PTPRS: variants seen among roughly 807,000 people sequenced by gnomAD.
PTPRS encodes the protein receptor-type tyrosine-protein phosphatase S.
A neutral mutation model predicts 215.3 loss-of-function variants in PTPRS; 63 were observed. The ratio of observed to expected loss-of-function variants is 0.29; its 90% CI spans 0.24 to 0.36. PTPRS has a LOEUF of 0.36. PTPRS is among the 10% of genes least tolerant of loss of function. The pLI, the probability that PTPRS is intolerant of heterozygous loss-of-function variation, is 1.00. For synonymous variants in PTPRS, 1,404 were observed against 1,191.4 expected (o/e 1.18, Z -3.68); for missense variants, 2,258 against 2,825.8 (o/e 0.80, Z 4.56).
intron 26 of PTPRS, among the ~76,000 whole-genome samples, chr19:5,216,045 C>T (rs1016173356): frequency 6.6e-6 from 1 of 152,104 alleles, no homozygotes; most frequent in Non-Finnish European, 1.5e-5. Flanking sequence ...CGACTGACAC[C>T]CCTTTCTGTC....
intron 12 of PTPRS, among the ~76,000 whole-genome samples, chr19:5,239,897 G>A (rs1254576422): frequency 6.6e-6 from 1 of 152,246 alleles, no homozygotes; most frequent in Non-Finnish European, 1.5e-5. Flanking sequence ...GAGCGTCAGA[G>A]GCACCGGTGA....
intron 1 of PTPRS, among the ~76,000 whole-genome samples, chr19:5,304,883 G>C (rs2049426884): frequency 6.7e-6 from 1 of 149,728 alleles, no homozygotes; most frequent in Admixed American, 6.7e-5. Context: ...AACAGAAAAG[G>C]AGAGGGTGGG....
chr19:5,294,453 T>C lies in PTPRS; in HGVS notation c.-94-8219A>G, dbSNP rs933485018. The C allele has an allele frequency of 4.6e-5, 7 of 152,234 alleles. No individual in the cohort carries two copies. The highest frequency in any genetic ancestry group is 2.0e-4 in the Admixed American group (3 of 15,292). 9.4% of individuals were successfully genotyped at this position (152,234 alleles called of 1,614,324 possible). The stretch of plus-strand genomic sequence containing the variant: ...TAATTTCAAGCCCCTTGGGTTTATC[T>C]AGGTACAGGGCCATCCTGAAGACAG... On this transcript the variant is annotated intron_variant, in intron 1 of 37. Transcript: ENST00000262963. This position sits in a 1 kb window ranked among gnomAD's most constrained non-coding sequence, Gnocchi z 5.1.
At chr19:5,224,330 C>T (rs748242302) in intron 17 of PTPRS, among the ~76,000 whole-genome samples, 8 of 150,664 alleles carry the variant, frequency 5.3e-5, no homozygotes, top group Non-Finnish European at 1.0e-4. Context: ...GGGCTAGGGG[C>T]GCATAAAGCA....
In PTPRS at chr19:5,222,168, G is replaced by A. The variant is rs1365679481; in HGVS notation, c.3156C>T (p.Leu1052=). ...TGTAGTTGTCAGGGAACTCCCAGCT[G>A]AGCAGAACTGATGTCTTCATGATCA... ...VKMIMKTSVL[L]SWEFPDNYNS... Residue 1052 remains leucine, a synonymous_variant, in exon 19 of 38, where the codon CTC becomes CTT. Coordinates refer to ENST00000262963, the MANE Select transcript of PTPRS (RefSeq NM_002850.4). The A allele has an allele frequency of 6.2e-7, 1 of 1,614,064 alleles. No individual in the cohort carries two copies. The highest frequency in any genetic ancestry group is 1.3e-5 in the African/African-American group (1 of 75,062).
intron 9 of PTPRS, among the ~76,000 whole-genome samples, chr19:5,252,606 G>A (rs868377744): frequency 1.4e-5 from 2 of 145,698 alleles, no homozygotes; most frequent in South Asian, 2.2e-4. Context: ...AAGGCCGAGT[G>A]TGGTGGCTCA....
intron 28 of PTPRS, 23 bp from the exon 29 acceptor site, chr19:5,214,759 G>A: frequency 6.3e-7 from 1 of 1,582,220 alleles, no homozygotes; most frequent in Non-Finnish European, 8.6e-7. Flanking sequence ...CGAGAGGCCA[G>A]GGATCTGTGG....
intron 26 of PTPRS, 84 bp from the exon 27 acceptor site, chr19:5,215,679 AG>A: frequency 1.0e-6 from 1 of 959,238 alleles, no homozygotes; most frequent in Non-Finnish European, 1.6e-6. Flanking sequence ...TCTACGTGTG[AG>A]TCTGCGATGG....
chr19:5,332,471 T>C (rs1354624919), intron 1 of PTPRS, among the ~76,000 whole-genome samples: 1 of 152,222 alleles, frequency 6.6e-6, no homozygotes, highest in African/African-American at 2.4e-5. Context: ...CTGCTTTTCC[T>C]TGGAAAAACC....
chr19:5,232,318 C>T (rs1334994454), intron 13 of PTPRS, among the ~76,000 whole-genome samples: 1 of 147,582 alleles, frequency 6.8e-6, no homozygotes, highest in Non-Finnish European at 1.5e-5. Context: ...GCAACAGAAG[C>T]TCCATTTATT....
At position 5,244,712 on chromosome 19, in the gene PTPRS, C is replaced by T. The variant is rs2044318369; in HGVS notation, c.989-230G>A. Among the ~76,000 whole-genome samples, 1 of 152,212 alleles carries T rather than the reference C, an allele frequency of 6.6e-6. No homozygotes were observed. Among genetic ancestry groups the T allele is most frequent in the Non-Finnish European group, 1.5e-5 (1 of 68,036 alleles). On this transcript the variant is annotated intron_variant, in intron 10 of 37. Transcript: ENST00000262963. This position sits in a 1 kb window ranked among gnomAD's most constrained non-coding sequence, Gnocchi z 7.2. ...AATTTTTCTTTGAGATGGAGTCTCACTCTGTCACCCACAGTGGCACGATCT... is the reference window on the plus strand; with the variant it reads ...AATTTTTCTTTGAGATGGAGTCTCATTCTGTCACCCACAGTGGCACGATCT...
chr19:5,207,826 C>G (rs1396728564), intron 37 of PTPRS, 96 bp downstream of exon 37: 8 of 1,533,098 alleles, frequency 5.2e-6, no homozygotes, highest in African/African-American at 1.4e-5. Context: ...CAGAGAGTCC[C>G]AGGTGGCTGT....
At position 5,220,242 on chromosome 19, in the gene PTPRS, T is replaced by A. The variant is rs2041858221; in HGVS notation, c.3549+18A>T. The A allele has an allele frequency of 6.2e-7, 1 of 1,611,960 alleles. No homozygotes were observed. Among genetic ancestry groups the A allele is most frequent in the South Asian group, 1.1e-5 (1 of 90,918 alleles). On this transcript the variant is annotated intron_variant, in intron 21 of 37. Transcript: ENST00000262963. ...TGGAATGCATCTGGGCCCTGCGGGT[T>A]GGGCCCCAGGCCCTCACCTCTTCCA...
intron 20 of PTPRS, among the ~76,000 whole-genome samples, 179 bp downstream of exon 20, chr19:5,220,821 T>A (rs1158379616): frequency 6.6e-6 from 1 of 152,012 alleles, no homozygotes; most frequent in African/African-American, 2.4e-5. Flanking sequence ...ACAGGACACA[T>A]TTAGTGACAA....
At position 5,255,405 on chromosome 19, in the gene PTPRS, G is replaced by A. The variant is rs538677117; in HGVS notation, c.718+703C>T. Among the ~76,000 whole-genome samples, 123 of 152,184 alleles carry A rather than the reference G, an allele frequency of 8.1e-4. 1 individual carries two copies. Among genetic ancestry groups the A allele is most frequent in the African/African-American group, 2.8e-3 (116 of 41,500 alleles). ...AACACTGGCTTTTAAATCACAATGC[G>A]TTTGGAGAACAACCACAGAACAGCT... On this transcript the variant is annotated intron_variant, in intron 9 of 37. Transcript: ENST00000262963.
chr19:5,233,861 A>G (rs200700649), intron 13 of PTPRS, among the ~76,000 whole-genome samples: 4 of 142,352 alleles, frequency 2.8e-5, no homozygotes, highest in Non-Finnish European at 4.5e-5. Flanking sequence ...CAGGAGAATC[A>G]CTTGAACCTG....
At chr19:5,328,439 T>C (rs908045590) in intron 1 of PTPRS, among the ~76,000 whole-genome samples, 2 of 151,092 alleles carry the variant, frequency 1.3e-5, no homozygotes, top group African/African-American at 4.9e-5. Context: ...GGTTTCACCA[T>C]GTTGCTCAGG....
chr19:5,316,470 G>A (rs540303147), intron 1 of PTPRS, among the ~76,000 whole-genome samples: 46 of 151,926 alleles, frequency 3.0e-4, no homozygotes, highest in African/African-American at 1.0e-3. Flanking sequence ...TTGGCTCACC[G>A]CAACCTCGGC....
chr19:5,248,682 G>A (rs1469128601), intron 9 of PTPRS, among the ~76,000 whole-genome samples: 1 of 152,236 alleles, frequency 6.6e-6, no homozygotes, highest in Non-Finnish European at 1.5e-5. Context: ...CAAGTTGGAG[G>A]TCCCAAAGCT....
Sources: gnomAD v4.1 joint callset for allele counts (sites outside exome capture counted in the v4.1 genomes callset) on GRCh38, gnomAD v4.1.1 for gene constraint, Gnocchi (gnomAD v3.1) non-coding constraint, MANE v1.5 for transcripts, NCBI Gene and HGNC (gene_info 2026-07-23, HGNC 2026-07-21) for gene names.